The following ITFG1 variants were observed in gnomAD, a reference collection of about 807,000 sequenced individuals.
The protein encoded by ITFG1 is T-cell immunomodulatory protein.
In ITFG1, 34 loss-of-function variants were observed where a neutral mutation model predicts 81.8. The ratio of observed to expected loss-of-function variants is 0.42; its 90% CI spans 0.32 to 0.55. The LOEUF (loss-of-function observed/expected upper bound fraction) is 0.55, where lower values mean the gene tolerates loss of function less well. ITFG1 is among the 20% of genes least tolerant of loss of function. ITFG1 has a pLI of 0.17. For synonymous variants in ITFG1, 285 were observed against 270.6 expected, an observed-to-expected ratio of 1.05 and a Z score of -0.52; for missense variants, 672 against 755.4, an observed-to-expected ratio of 0.89 and a Z score of 1.29.
chr16:47,386,957 G>C (rs1190890734), intron 6 of ITFG1, among the ~76,000 whole-genome samples: 2 of 152,202 alleles, frequency 1.3e-5, no homozygotes, highest in African/African-American at 4.8e-5. Flanking sequence ...TTAACAGAGA[G>C]AACTAGGGAA....
chr16:47,205,433 T>C (rs1015827969), intron 14 of ITFG1, among the ~76,000 whole-genome samples: 2 of 152,228 alleles, frequency 1.3e-5, no homozygotes, highest in Non-Finnish European at 2.9e-5. Flanking sequence ...AGATTCTTAG[T>C]GCACTCAATG....
At chr16:47,368,555 CAAAAAAAAAAAAAA>C (rs35965452) in intron 7 of ITFG1, among the ~76,000 whole-genome samples, 7 of 33,550 alleles carry the variant, frequency 2.1e-4, no homozygotes, top group Admixed American at 5.6e-4. Context: ...GACTCCATCT[CAAAAAAAAAAAAAA>C]AAAAAAAAAA....
At chr16:47,253,802 A>T (rs374964208) in intron 12 of ITFG1, among the ~76,000 whole-genome samples, 23 of 152,280 alleles carry the variant, frequency 1.5e-4, no homozygotes, top group East Asian at 9.7e-4. Flanking sequence ...CTATAAATAC[A>T]GGGGAAGCTT....
intron 12 of ITFG1, among the ~76,000 whole-genome samples, chr16:47,249,406 G>A (rs1036344107): frequency 6.6e-6 from 1 of 152,116 alleles, no homozygotes; most frequent in Non-Finnish European, 1.5e-5. Flanking sequence ...GTGACAAAGC[G>A]AGACTGTGTC....
At position 47,311,231 on chromosome 16, in the gene ITFG1, T is replaced by C; in HGVS notation, c.1070+9A>G. On this transcript the variant is annotated intron_variant, in intron 10 of 17. Transcript: ENST00000320640. ...TACAAATATTTCTCACTTGATTTAA[T>C]TTCCTTACCTTCCAGATGTGTTCTT... The C allele has an allele frequency of 6.3e-7, 1 of 1,588,318 alleles. No homozygotes were observed. The highest frequency in any genetic ancestry group is 2.2e-5 in the East Asian group (1 of 44,474).
At chr16:47,260,212 C>G (rs1208110640) in intron 11 of ITFG1, among the ~76,000 whole-genome samples, 3 of 152,126 alleles carry the variant, frequency 2.0e-5, no homozygotes, top group African/African-American at 7.2e-5. Flanking sequence ...GCTGGGATTA[C>G]AGGTGTGAGC....
chr16:47,408,168 CT>C (rs1204436977), intron 6 of ITFG1, among the ~76,000 whole-genome samples: 1 of 152,106 alleles, frequency 6.6e-6, no homozygotes, highest in Non-Finnish European at 1.5e-5. Context: ...GTCTGGTGAT[CT>C]TGTTTTTTCG....
chr16:47,343,335 A>G (rs957071300), intron 8 of ITFG1, among the ~76,000 whole-genome samples: 1 of 152,108 alleles, frequency 6.6e-6, no homozygotes, highest in Non-Finnish European at 1.5e-5. Context: ...ACCTTAAACT[A>G]GATTCTAATA....
At chr16:47,247,985 G>C (rs1382358072) in intron 12 of ITFG1, among the ~76,000 whole-genome samples, 1 of 152,090 alleles carries the variant, frequency 6.6e-6, no homozygotes, top group Non-Finnish European at 1.5e-5. Flanking sequence ...AATGGAACTT[G>C]CTACTATGTA....
At chr16:47,226,759 AT>A (rs1362066444) in intron 13 of ITFG1, among the ~76,000 whole-genome samples, 4 of 152,068 alleles carry the variant, frequency 2.6e-5, no homozygotes, top group Non-Finnish European at 5.9e-5. Flanking sequence ...AAAAATCTGA[AT>A]GTAAAAGGAG....
At chr16:47,282,797 T>C (rs1163028101) in intron 10 of ITFG1, among the ~76,000 whole-genome samples, 1 of 152,170 alleles carries the variant, frequency 6.6e-6, no homozygotes, top group Non-Finnish European at 1.5e-5. Flanking sequence ...TGAAAGATGG[T>C]ATATTTCATT....
chr16:47,199,520 T>C (rs942338335), intron 14 of ITFG1, among the ~76,000 whole-genome samples: 4 of 152,182 alleles, frequency 2.6e-5, no homozygotes, highest in Non-Finnish European at 4.4e-5. Flanking sequence ...ACACAAATAC[T>C]TACCACTGTG....
At chr16:47,165,676 C>G (rs1353193440) in intron 14 of ITFG1, among the ~76,000 whole-genome samples, 1 of 152,086 alleles carries the variant, frequency 6.6e-6, no homozygotes, top group African/African-American at 2.4e-5. Context: ...TGAAGCCCCA[C>G]CTCTACAAAA....
At chr16:47,370,360 A>G (rs890608823) in intron 7 of ITFG1, among the ~76,000 whole-genome samples, 1 of 151,498 alleles carries the variant, frequency 6.6e-6, no homozygotes, top group African/African-American at 2.4e-5. Context: ...ATCCACATGC[A>G]CTCCCCCATT....
At chr16:47,355,520 AAG>A (rs1968027848) in intron 8 of ITFG1, among the ~76,000 whole-genome samples, 1 of 152,260 alleles carries the variant, frequency 6.6e-6, no homozygotes, top group African/African-American at 2.4e-5. Flanking sequence ...TAATAGCTAA[AAG>A]AGATTATTTT....
intron 10 of ITFG1, among the ~76,000 whole-genome samples, chr16:47,272,992 A>G (rs1206161214): frequency 6.6e-6 from 1 of 150,436 alleles, no homozygotes; most frequent in African/African-American, 2.5e-5. Context: ...CTACCACTTG[A>G]TGAGGTCTGG....
At chr16:47,391,803 C>G (rs1409448890) in intron 6 of ITFG1, among the ~76,000 whole-genome samples, 1 of 152,104 alleles carries the variant, frequency 6.6e-6, no homozygotes, top group Non-Finnish European at 1.5e-5. Context: ...ATATGGGAAT[C>G]AGAATTCAGT....
intron 14 of ITFG1, among the ~76,000 whole-genome samples, chr16:47,181,390 G>A (rs562855929): frequency 2.2e-4 from 31 of 143,398 alleles, no homozygotes; most frequent in African/African-American, 5.8e-4. Context: ...CACCCCGTCC[G>A]GCAGGGAGAT....
chr16:47,256,527 C>T (rs911075796), intron 12 of ITFG1, among the ~76,000 whole-genome samples: 1 of 152,100 alleles, frequency 6.6e-6, no homozygotes, highest in Non-Finnish European at 1.5e-5. Flanking sequence ...ACTTCAACTC[C>T]AAAATTAACA....
Sources: allele counts gnomAD v4.1 joint callset (sites outside exome capture counted in the v4.1 genomes callset), GRCh38; gene constraint gnomAD v4.1.1; transcripts MANE v1.5; gene names NCBI Gene and HGNC (gene_info 2026-07-23, HGNC 2026-07-21).